The following SLC35F1 variants were observed in gnomAD, a reference collection of about 807,000 sequenced individuals.
SLC35F1 encodes the protein solute carrier family 35 member F1.
Under a neutral mutation model 48.7 loss-of-function variants are expected in SLC35F1, and 14 were observed. That is an observed-to-expected ratio of 0.29 (90% CI 0.19 to 0.45). SLC35F1 has a LOEUF of 0.45. Among genes scored for constraint, SLC35F1 ranks in the 20% least tolerant of loss-of-function variants. SLC35F1 has a pLI of 1.00. For missense variants in SLC35F1, 404 were observed against 500.0 expected (o/e 0.81, Z 1.83); for synonymous variants, 190 against 202.2 (o/e 0.94, Z 0.51).
intron 7 of SLC35F1, among the ~76,000 whole-genome samples, chr6:118,308,708 C>T (rs182431462): frequency 6.6e-6 from 1 of 152,270 alleles, no homozygotes; most frequent in Admixed American, 6.5e-5. Context: ...ACCTGATGGC[C>T]ACATATCCTT....
At chr6:118,154,390 G>C in intron 1 of SLC35F1, 55 bp from the exon 2 acceptor site, 1 of 1,522,646 alleles carries the variant, frequency 6.6e-7, no homozygotes, top group Non-Finnish European at 8.9e-7. Context: ...AATTGCTATT[G>C]TTTTAATGGG....
rs2114675010 is a variant in SLC35F1, at chr6:118,314,187, C to A, written c.1162C>A (p.Pro388Thr). 1 of 1,614,172 alleles carries A rather than the reference C, an allele frequency of 6.2e-7. No homozygotes were observed. Among genetic ancestry groups the A allele is most frequent in the Non-Finnish European group, 8.5e-7 (1 of 1,180,028 alleles). ...CTTACCGACCACAGCTCAGGTGGAA[C>A]CCTCAGTCACCTACACCAGCCTGGG... ...VDLPTTAQVE[P>T]SVTYTSLGQE... Residue 388 changes from proline (P) to threonine (T), a missense_variant, in exon 8 of 8, where the codon CCC (proline) becomes ACC (threonine). Physicochemically the swap from Pro to Thr is conservative, Grantham distance 38. Transcript: ENST00000360388.
chr6:117,907,841 AGCCTGTCCGCCTCCTCCCGG>A lies in SLC35F1; in HGVS notation c.118_137del (p.Leu40TrpfsTer35). On this transcript the variant is annotated frameshift_variant, in exon 1 of 8. Coordinates refer to ENST00000360388, the MANE Select transcript of SLC35F1 (RefSeq NM_001029858.4). LOFTEE classifies it high-confidence loss of function. ...GGCCGAGGGCAGCGGCGGCGGCGGGAGCCTGTCCGCCTCCTCCCGGGCTGGCGTGCGCCAGAGGATCCGCA... is the reference window on the plus strand; with the variant it reads ...GGCCGAGGGCAGCGGCGGCGGCGGGAGCTGGCGTGCGCCAGAGGATCCGCA... 1 of 1,538,632 alleles carries A rather than the reference AGCCTGTCCGCCTCCTCCCGG, an allele frequency of 6.5e-7. No individual in the cohort carries two copies. Among genetic ancestry groups the A allele is most frequent in the Non-Finnish European group, 8.7e-7 (1 of 1,152,690 alleles).
intron 6 of SLC35F1, among the ~76,000 whole-genome samples, chr6:118,280,687 G>A (rs1775972144): frequency 6.6e-6 from 1 of 152,014 alleles, no homozygotes; most frequent in South Asian, 2.1e-4. Flanking sequence ...AGACCAGCCT[G>A]GCCAACATGG....
intron 2 of SLC35F1, among the ~76,000 whole-genome samples, chr6:118,216,346 A>G (rs2114556110): frequency 6.6e-6 from 1 of 151,636 alleles, no homozygotes; most frequent in Admixed American, 6.6e-5. Context: ...CATGAGCCAC[A>G]GCACCCGGCC....
At chr6:118,127,359 G>A (rs1184942607) in intron 1 of SLC35F1, among the ~76,000 whole-genome samples, 1 of 152,066 alleles carries the variant, frequency 6.6e-6, no homozygotes, top group East Asian at 1.9e-4. Context: ...TAAGCTTTTT[G>A]ATGTGCTGCT....
chr6:118,178,562 A>T (rs957073145), intron 2 of SLC35F1, among the ~76,000 whole-genome samples: 4 of 152,078 alleles, frequency 2.6e-5, no homozygotes, highest in African/African-American at 9.7e-5. Context: ...CTCAAGAAGA[A>T]TCATATGTAT....
At chr6:117,910,358 G>A (rs1775746370) in intron 1 of SLC35F1, among the ~76,000 whole-genome samples, 1 of 152,216 alleles carries the variant, frequency 6.6e-6, no homozygotes, top group African/African-American at 2.4e-5. Flanking sequence ...GCCCATTGGG[G>A]CCTAATCATA....
chr6:118,107,495 T>C (rs1050865878), intron 1 of SLC35F1, among the ~76,000 whole-genome samples: 38 of 152,194 alleles, frequency 2.5e-4, no homozygotes, highest in Non-Finnish European at 5.9e-5. Flanking sequence ...TAACAACTCA[T>C]ATATTAGAAA....
chr6:117,944,995 G>A (rs1776278503), intron 1 of SLC35F1, among the ~76,000 whole-genome samples: 1 of 152,150 alleles, frequency 6.6e-6, no homozygotes. Context: ...ACATTTTTGG[G>A]TTTGGGGGAA....
intron 1 of SLC35F1, among the ~76,000 whole-genome samples, chr6:117,967,917 TAGAG>T (rs749581687): frequency 3.3e-5 from 5 of 152,158 alleles, no homozygotes; most frequent in Non-Finnish European, 7.4e-5. Context: ...TAGGGAGAAA[TAGAG>T]AGATGGATAT....
At chr6:118,042,104 T>C (rs1772230548) in intron 1 of SLC35F1, among the ~76,000 whole-genome samples, 1 of 152,210 alleles carries the variant, frequency 6.6e-6, no homozygotes, top group Non-Finnish European at 1.5e-5. Context: ...CTTTCCTGAT[T>C]GCTCTTACAT....
At chr6:118,032,211 A>T (rs567486554) in intron 1 of SLC35F1, among the ~76,000 whole-genome samples, 1 of 152,146 alleles carries the variant, frequency 6.6e-6, no homozygotes, top group Non-Finnish European at 1.5e-5. Context: ...AATACTTTTT[A>T]TTTATATTTT....
chr6:118,310,379 T>C (rs952839368), intron 7 of SLC35F1, among the ~76,000 whole-genome samples: 1 of 152,220 alleles, frequency 6.6e-6, no homozygotes, highest in Non-Finnish European at 1.5e-5. Context: ...TACTTTTGTC[T>C]GGTTGATTGG....
intron 2 of SLC35F1, among the ~76,000 whole-genome samples, chr6:118,173,403 C>CAA (rs60490371): frequency 3.0e-4 from 41 of 136,324 alleles, no homozygotes; most frequent in South Asian, 1.3e-3. Context: ...AAACAAAAAA[C>CAA]AAAAAAAAAA....
At chr6:118,178,698 C>T (rs755142426) in intron 2 of SLC35F1, among the ~76,000 whole-genome samples, 12 of 152,070 alleles carry the variant, frequency 7.9e-5, no homozygotes, top group Non-Finnish European at 1.3e-4. Context: ...AATAAAGAAA[C>T]CCAGACAGCC....
rs375445061 is a variant in SLC35F1 at position 118,070,991 on chromosome 6, CGTGTGT to C, written c.174-83451_174-83446del. Among the ~76,000 whole-genome samples the C allele has an allele frequency of 3.3e-3, 24 of 7,298 alleles. 1 individual carries two copies. Among genetic ancestry groups the C allele is most frequent in the African/African-American group, 8.7e-3 (19 of 2,172 alleles). 4.8% of individuals were successfully genotyped at this position (7,298 alleles called of 152,430 possible). On this transcript the variant is annotated intron_variant, in intron 1 of 7. Transcript: ENST00000360388. ...ATATACACATAGTATATATATTCTACGTGTGTGTATATATATACACGTAGTATATAT... is the reference window on the plus strand; with the variant it reads ...ATATACACATAGTATATATATTCTACGTATATATATACACGTAGTATATAT...
chr6:118,266,371 T>C (rs182578406), intron 3 of SLC35F1, among the ~76,000 whole-genome samples: 2 of 150,610 alleles, frequency 1.3e-5, no homozygotes, highest in African/African-American at 5.0e-5. Context: ...CTTTAAAAAA[T>C]TTTTTTTCTA....
intron 1 of SLC35F1, among the ~76,000 whole-genome samples, chr6:118,056,555 C>G (rs1396296538): frequency 6.6e-6 from 1 of 152,174 alleles, no homozygotes; most frequent in African/African-American, 2.4e-5. Context: ...CCAAATCAAT[C>G]TATAAAGGCT....
Sources: allele counts gnomAD v4.1 joint callset (sites outside exome capture counted in the v4.1 genomes callset), GRCh38; gene constraint gnomAD v4.1.1; transcripts MANE v1.5; gene names NCBI Gene and HGNC (gene_info 2026-07-23, HGNC 2026-07-21).